The following NKTR variants were observed in gnomAD, a reference collection of about 807,000 sequenced individuals.
NKTR encodes the protein NK-tumor recognition protein.
A neutral mutation model predicts 156.3 loss-of-function variants in NKTR; 67 were observed. That is an observed-to-expected ratio of 0.43 (90% CI 0.35 to 0.53). NKTR has a LOEUF of 0.53. NKTR is among the 20% of genes least tolerant of loss of function. The pLI, the probability that NKTR is intolerant of heterozygous loss-of-function variation, is 0.01. For synonymous variants in NKTR, 640 were observed against 596.6 expected, an observed-to-expected ratio of 1.07 and a Z score of -1.06; for missense variants, 1,604 against 1,730.9, an observed-to-expected ratio of 0.93 and a Z score of 1.30.
At chr3:42,630,383 G>C (rs1708779663) in intron 6 of NKTR, 163 bp from the exon 7 acceptor site, 4 of 1,430,022 alleles carry the variant, frequency 2.8e-6, no homozygotes, top group African/African-American at 2.9e-5. Context: ...TACTATTGCT[G>C]TTTTGGGGTT....
Position 42,633,729 on chromosome 3 carries a change from C to T in NKTR, c.923C>T (p.Pro308Leu), listed in dbSNP as rs1451434110. 7.4e-6 allele frequency: 12 copies of T among 1,613,988 alleles called. No homozygotes were observed. The highest frequency in any genetic ancestry group is 1.0e-5 in the Non-Finnish European group (12 of 1,179,932). ...GATATGCCTGTTGTTACTGCAGAAC[C>T]TGAACCGTAAGTAGGATGACTAAAC... Reference protein sequence around the residue: ...RRDMPVVTAEPEPKIPDVAPI... With the variant: ...RRDMPVVTAELEPKIPDVAPI... Residue 308 changes from proline (P) to leucine (L), a missense_variant, in exon 10 of 17, where the codon CCT (proline) becomes CTT (leucine). Coordinates refer to ENST00000232978, the MANE Select transcript of NKTR (RefSeq NM_005385.4).
rs1418904277 is a variant in NKTR at position 42,600,964 on chromosome 3, T to G, written c.-23-20T>G. The G allele has an allele frequency of 6.7e-6, 10 of 1,485,928 alleles. No individual in the cohort carries two copies. The highest frequency in any genetic ancestry group is 2.4e-4 in the Middle Eastern group (1 of 4,196). The allele number at this position is 1,485,928 out of a possible 1,614,324, so 92.0% of individuals were successfully genotyped here. The stretch of plus-strand genomic sequence containing the variant: ...CGCCCTCGCCCCTGCCCTGACCGCT[T>G]TTCTCCCCCTCTCTCCCAGCTCTTG... On this transcript the variant is annotated intron_variant, in intron 1 of 16. Transcript: ENST00000232978.
intron 16 of NKTR, 111 bp downstream of exon 16, chr3:42,644,114 G>A: frequency 1.6e-6 from 1 of 637,336 alleles, no homozygotes. Context: ...ATCTTCCAAG[G>A]ACAGAAATAC....
At position 42,617,551 on chromosome 3, in the gene NKTR, C is replaced by G. The variant is rs1188027948; in HGVS notation, c.59-19C>G. On this transcript the variant is annotated intron_variant, in intron 2 of 16. Coordinates refer to ENST00000232978, the MANE Select transcript of NKTR (RefSeq NM_005385.4). The stretch of plus-strand genomic sequence containing the variant: ...TATTTAACTTGCTTACTATTTTTTT[C>G]CTATGTATTTTATTTCAGTTGGTCG... The G allele has an allele frequency of 2.1e-6, 3 of 1,416,222 alleles. No homozygotes were observed. Among genetic ancestry groups the G allele is most frequent in the African/African-American group, 2.8e-5 (2 of 70,572 alleles). The allele number at this position is 1,416,222 out of a possible 1,614,324, so 87.7% of individuals were successfully genotyped here.
At chr3:42,601,148 G>T in intron 2 of NKTR, 84 bp downstream of exon 2, 1 of 1,115,646 alleles carries the variant, frequency 9.0e-7, no homozygotes. Flanking sequence ...ACCCTCCCCC[G>T]GCCTTTTTGG....
At chr3:42,610,333 A>G (rs897100251) in intron 2 of NKTR, among the ~76,000 whole-genome samples, 1 of 152,110 alleles carries the variant, frequency 6.6e-6, no homozygotes, top group African/African-American at 2.4e-5. Flanking sequence ...CTGAAAGAGC[A>G]TTAAACAGTA....
rs1251276291 is a variant in NKTR, at chr3:42,633,685, C to T, written c.879C>T (p.Asn293=). ...RPEEIPPVPE[N]RFLLRRDMPV... The stretch of plus-strand genomic sequence containing the variant: ...AAGAGATTCCTCCAGTGCCTGAGAA[C>T]CGATTTTTACTGAGAAGAGATATGC... The change falls in exon 10 of 17, where the codon AAC becomes AAT. Residue 293 remains asparagine (N), a synonymous_variant. Transcript: ENST00000232978. 1.2e-6 allele frequency: 2 copies of T among 1,614,060 alleles called. No individual in the cohort carries two copies. Among genetic ancestry groups the T allele is most frequent in the East Asian group, 2.2e-5 (1 of 44,868 alleles).
chr3:42,611,810 A>G (rs1442680648), intron 2 of NKTR, among the ~76,000 whole-genome samples: 1 of 151,702 alleles, frequency 6.6e-6, no homozygotes, highest in Non-Finnish European at 1.5e-5. Flanking sequence ...GATTCCCACT[A>G]TGAAGTATGA....
intron 2 of NKTR, 97 bp downstream of exon 2, chr3:42,601,161 G>C: frequency 4.9e-6 from 5 of 1,023,408 alleles, no homozygotes; most frequent in Non-Finnish European, 5.5e-6. Context: ...CTTTTTGGGA[G>C]CGGGTAGGAG....
chr3:42,621,637 A>T, intron 6 of NKTR, 121 bp downstream of exon 6: 1 of 998,668 alleles, frequency 1.0e-6, no homozygotes, highest in Non-Finnish European at 1.4e-6. Flanking sequence ...TTTATTATTA[A>T]TTTCTAATAT....
chr3:42,633,109 A>G, intron 9 of NKTR: 1 of 714,112 alleles, frequency 1.4e-6, no homozygotes, highest in Non-Finnish European at 1.8e-6. Flanking sequence ...GCACAATTAT[A>G]GCTCACTGCA....
intron 2 of NKTR, among the ~76,000 whole-genome samples, chr3:42,610,432 G>A (rs1251094482): frequency 6.6e-6 from 1 of 152,146 alleles, no homozygotes; most frequent in Non-Finnish European, 1.5e-5. Context: ...AATGCTGATT[G>A]TTGATTTGAA....
intron 12 of NKTR, among the ~76,000 whole-genome samples, chr3:42,636,638 G>T (rs902506047): frequency 6.6e-6 from 1 of 151,982 alleles, no homozygotes; most frequent in Non-Finnish European, 1.5e-5. Context: ...CAAATGTAAG[G>T]TTCTTTGCTT....
rs1488688010 is a variant in NKTR at position 42,646,335 on chromosome 3, A to G, written c.*360A>G. On this transcript the variant is annotated 3_prime_UTR_variant, in exon 17 of 17. Coordinates refer to ENST00000232978, the MANE Select transcript of NKTR (RefSeq NM_005385.4). ...TCTTTTTGCCTGTTTTTCCAGTTTT[A>G]GCATATATGCTGCCAAGCATAGAAC... The G allele has an allele frequency of 1.9e-5, 4 of 214,334 alleles. No homozygotes were observed. Among genetic ancestry groups the G allele is most frequent in the Non-Finnish European group, 3.8e-5 (4 of 104,260 alleles). 13.3% of individuals were successfully genotyped at this position (214,334 alleles called of 1,614,324 possible).
chr3:42,608,845 G>C (rs1483513416), intron 2 of NKTR, among the ~76,000 whole-genome samples: 1 of 152,188 alleles, frequency 6.6e-6, no homozygotes, highest in Non-Finnish European at 1.5e-5. Flanking sequence ...CAAATAGTAG[G>C]CTGGGTGTGG....
chr3:42,637,173 T>C lies in NKTR; in HGVS notation c.1469T>C (p.Leu490Ser), dbSNP rs1192223775. 1.2e-6 allele frequency: 2 copies of C among 1,611,692 alleles called. No homozygotes were observed. The highest frequency in any genetic ancestry group is 1.7e-6 in the Non-Finnish European group (2 of 1,179,456). Residue 490 changes from leucine to serine, a missense_variant, in exon 13 of 17, where the codon TTG becomes TCG. By Grantham distance (145) the Leu-to-Ser change is moderately radical (BLOSUM62 -2). Around this residue, in one of 6 missense-constraint regions of NKTR, gnomAD observed 1,255 missense variants for 1,243.7 expected, o/e 1.01. Coordinates refer to ENST00000232978, the MANE Select transcript of NKTR (RefSeq NM_005385.4). Reference sequence around the variant, plus strand: ...GAAAGGAGTTCTCGTTCTTCCTCATTGTCATCTCATCACTCATCAAAGAGA... The same window carrying C: ...GAAAGGAGTTCTCGTTCTTCCTCATCGTCATCTCATCACTCATCAAAGAGA... ...DRERSSRSSS[L>S]SSHHSSKRDW...
intron 6 of NKTR, among the ~76,000 whole-genome samples, chr3:42,624,923 G>A (rs1220551250): frequency 6.6e-6 from 1 of 152,128 alleles, no homozygotes; most frequent in Non-Finnish European, 1.5e-5. Flanking sequence ...TGAGTAAATA[G>A]TTTATAGCTT....
At chr3:42,607,326 A>G (rs370049201) in intron 2 of NKTR, among the ~76,000 whole-genome samples, 4 of 152,296 alleles carry the variant, frequency 2.6e-5, no homozygotes, top group African/African-American at 9.6e-5. Flanking sequence ...CCATGGTAAT[A>G]ACTGGTTCAG....
chr3:42,626,155 C>T (rs1025548054), intron 6 of NKTR, among the ~76,000 whole-genome samples: 1 of 145,974 alleles, frequency 6.9e-6, no homozygotes, highest in African/African-American at 2.7e-5. Flanking sequence ...TACTTTACAC[C>T]TACAGTCACT....
Sources: allele counts gnomAD v4.1 joint callset (sites outside exome capture counted in the v4.1 genomes callset), GRCh38; gene constraint gnomAD v4.1.1; regional missense constraint gnomAD v4.1.1; transcripts MANE v1.5; gene names NCBI Gene and HGNC (gene_info 2026-07-23, HGNC 2026-07-21).